Variants in ZNF556 observed in about 807,000 individuals in gnomAD.
ZNF556 encodes the protein zinc finger protein 556.
Under a neutral mutation model 13.6 loss-of-function variants are expected in ZNF556, and 11 were observed. The observed-to-expected ratio is 0.81, with a 90% CI of 0.51 to 1.33. The LOEUF (loss-of-function observed/expected upper bound fraction) is 1.33. ZNF556 is among the 40% of genes most tolerant of loss of function. The pLI, the probability that ZNF556 is intolerant of heterozygous loss-of-function variation, is 0.00. For missense variants in ZNF556, 633 were observed against 566.2 expected, an observed-to-expected ratio of 1.12 and a Z score of -1.20; for synonymous variants, 229 against 207.8, an observed-to-expected ratio of 1.10 and a Z score of -0.88.
Position 2,879,698 on chromosome 19 carries a change from C to A in ZNF556, c.*1369C>A, listed in dbSNP as rs1293520772. 6.6e-6 allele frequency: 1 copy of A among 152,106 alleles called. No homozygotes were observed. The highest frequency in any genetic ancestry group is 1.5e-5 in the Non-Finnish European group (1 of 68,070). 9.4% of individuals were successfully genotyped at this position (152,106 alleles called of 1,614,324 possible). ...CAGTATTTCTTGTGCTTCTGTGTTC[C>A]TGCTTCCATGACAGATACAATGGTA... On this transcript the variant is annotated 3_prime_UTR_variant, in exon 4 of 4. Coordinates refer to ENST00000307635, the MANE Select transcript of ZNF556 (RefSeq NM_024967.3).
chr19:2,869,856 A>C (rs969439025), intron 1 of ZNF556, among the ~76,000 whole-genome samples: 1 of 152,086 alleles, frequency 6.6e-6, no homozygotes, highest in African/African-American at 2.4e-5. Context: ...AGTCACTCAG[A>C]GCCAAAGTCC....
rs1390856496 is a variant in ZNF556, at chr19:2,879,114, A to AT, written c.*790dup. ...CCTTTCCATTTTACAGGGAAAAACT[A>AT]TTTTTAATGTTAATACTTTCTACTT... On this transcript the variant is annotated 3_prime_UTR_variant, in exon 4 of 4. Transcript: ENST00000307635. 1 of 152,078 alleles carries AT rather than the reference A, an allele frequency of 6.6e-6. No individual in the cohort carries two copies. Among genetic ancestry groups the AT allele is most frequent in the Non-Finnish European group, 1.5e-5 (1 of 68,020 alleles). 9.4% of individuals were successfully genotyped at this position (152,078 alleles called of 1,614,324 possible).
chr19:2,869,411 C>T (rs1217713247), intron 1 of ZNF556, among the ~76,000 whole-genome samples: 13 of 151,870 alleles, frequency 8.6e-5, no homozygotes, highest in East Asian at 3.9e-4. Context: ...CTGTCACCGA[C>T]GCTGGAGTGC....
chr19:2,874,686 G>C lies in ZNF556; in HGVS notation c.130+1064G>C, dbSNP rs530055332. 4.8e-5 allele frequency among the ~76,000 whole-genome samples: 7 copies of C among 146,684 alleles called. No homozygotes were observed. The South Asian group carries it at 1.5e-3, about 31-fold the overall frequency. ...TTGAACTCGGGAGGCAGTGGCTGCAGTGAGTCGAGATTGTATCACTGCACT... is the reference window on the plus strand; with the variant it reads ...TTGAACTCGGGAGGCAGTGGCTGCACTGAGTCGAGATTGTATCACTGCACT... On this transcript the variant is annotated intron_variant, in intron 2 of 3. Coordinates refer to ENST00000307635, the MANE Select transcript of ZNF556 (RefSeq NM_024967.3).
At chr19:2,870,763 G>A (rs970535757) in intron 1 of ZNF556, among the ~76,000 whole-genome samples, 13 of 138,038 alleles carry the variant, frequency 9.4e-5, no homozygotes, top group African/African-American at 3.5e-4. Flanking sequence ...AAAAAGGCCG[G>A]GCGCGATGGC....
Position 2,867,413 on chromosome 19 carries a change from G to C in ZNF556, c.-9G>C, listed in dbSNP as rs759988283. 2.5e-6 allele frequency: 4 copies of C among 1,584,162 alleles called. No homozygotes were observed. Among genetic ancestry groups the C allele is most frequent in the Admixed American group, 1.9e-5 (1 of 53,398 alleles). On this transcript the variant is annotated 5_prime_UTR_variant, in exon 1 of 4. Transcript: ENST00000307635. ...GGAGCTCCTCAAAGAGCTCAGGAAC[G>C]GACAGGACATGGTGAGTGCAGGGCA...
intron 1 of ZNF556, among the ~76,000 whole-genome samples, chr19:2,870,392 C>T (rs536266899): frequency 5.1e-4 from 77 of 152,146 alleles, no homozygotes; most frequent in African/African-American, 1.5e-3. Flanking sequence ...TTCAAGGCTG[C>T]GGCGAGTTCT....
At position 2,879,770 on chromosome 19, in the gene ZNF556, C is replaced by T. The variant is rs2087890216; in HGVS notation, c.*1441C>T. The stretch of plus-strand genomic sequence containing the variant: ...TTGCGGCTGGGCGCGGTGACTCACG[C>T]CTGTAATCCCAGCACTTTGGGAGGC... On this transcript the variant is annotated 3_prime_UTR_variant, in exon 4 of 4. Transcript: ENST00000307635. The T allele has an allele frequency of 6.6e-6, 1 of 151,556 alleles. No homozygotes were observed. Among genetic ancestry groups the T allele is most frequent in the East Asian group, 2.0e-4 (1 of 5,068 alleles). The allele number at this position is 151,556 out of a possible 1,614,324, so 9.4% of individuals were successfully genotyped here. A position where few individuals can be genotyped will look rare whatever the true frequency, so the allele number is the denominator to read the frequency against.
At position 2,883,303 on chromosome 19, in the gene ZNF556, T is replaced by G. The variant is rs1405901201; in HGVS notation, c.*4974T>G. ...TTTTAATTAAAAAATAATTTTTAAG[T>G]GTAAACCTTTAATGATCCACAAAGC... On this transcript the variant is annotated 3_prime_UTR_variant, in exon 4 of 4. Transcript: ENST00000307635. 1 of 152,164 alleles carries G rather than the reference T, an allele frequency of 6.6e-6. No individual in the cohort carries two copies. The highest frequency in any genetic ancestry group is 1.5e-5 in the Non-Finnish European group (1 of 68,038). The allele number at this position is 152,164 out of a possible 1,614,324, so 9.4% of individuals were successfully genotyped here. A position where few individuals can be genotyped will look rare whatever the true frequency, so the allele number is the denominator to read the frequency against.
rs1378117133 is a variant in ZNF556 at position 2,880,577 on chromosome 19, G to C, written c.*2248G>C. The C allele has an allele frequency of 1.3e-5, 2 of 152,116 alleles. No individual in the cohort carries two copies. The highest frequency in any genetic ancestry group is 2.9e-5 in the Non-Finnish European group (2 of 68,080). The allele number at this position is 152,116 out of a possible 1,614,324, so 9.4% of individuals were successfully genotyped here. A position where few individuals can be genotyped will look rare whatever the true frequency, so the allele number is the denominator to read the frequency against. On this transcript the variant is annotated 3_prime_UTR_variant, in exon 4 of 4. Transcript: ENST00000307635. ...GAGGTCAAGAGATCGAGACCATCCT[G>C]GCTAACACGGTGAAACCCCATCTCT...
At position 2,882,914 on chromosome 19, in the gene ZNF556, T is replaced by G. The variant is rs763606356; in HGVS notation, c.*4585T>G. The G allele has an allele frequency of 2.0e-5, 3 of 152,206 alleles. No individual in the cohort carries two copies. Among genetic ancestry groups the G allele is most frequent in the Admixed American group, 6.5e-5 (1 of 15,278 alleles). 9.4% of individuals were successfully genotyped at this position (152,206 alleles called of 1,614,324 possible). A position where few individuals can be genotyped will look rare whatever the true frequency, so the allele number is the denominator to read the frequency against. On this transcript the variant is annotated 3_prime_UTR_variant, in exon 4 of 4. Coordinates refer to ENST00000307635, the MANE Select transcript of ZNF556 (RefSeq NM_024967.3). ...TCTGGGACCAGGTACTTCATCTGGA[T>G]TTGAACCACAATGTGGGTGTTTGTT...
chr19:2,867,526 C>T (rs1038231001), intron 1 of ZNF556, 102 bp downstream of exon 1: 3 of 1,506,988 alleles, frequency 2.0e-6, no homozygotes, highest in East Asian at 4.9e-5. Context: ...GCCCGGAACC[C>T]CCATGCAGCC....
At chr19:2,875,669 T>G (rs1774167219) in intron 2 of ZNF556, 1 of 158,016 alleles carries the variant, frequency 6.3e-6, no homozygotes, top group African/African-American at 2.4e-5. Context: ...TTGTACTTCT[T>G]CATAATGAAG....
rs1371548253 is a variant in ZNF556 at position 2,872,301 on chromosome 19, C to T, written c.4-1195C>T. Among the ~76,000 whole-genome samples, 4 of 151,106 alleles carry T rather than the reference C, an allele frequency of 2.6e-5. No individual in the cohort carries two copies. In the South Asian group the frequency reaches 8.4e-4, roughly 32 times the overall value. ...TGTTTTTCCTTGACACTTACGCTAC[C>T]GCTAGACCACGGTTCACTTGGCAAC... On this transcript the variant is annotated intron_variant, in intron 1 of 3. Coordinates refer to ENST00000307635, the MANE Select transcript of ZNF556 (RefSeq NM_024967.3).
chr19:2,872,706 C>G (rs938584749), intron 1 of ZNF556, among the ~76,000 whole-genome samples: 1 of 151,520 alleles, frequency 6.6e-6, no homozygotes, highest in Non-Finnish European at 1.5e-5. Context: ...GTAATCCCAG[C>G]TACTCAGGAG....
Position 2,867,436 on chromosome 19 carries a change from G to A in ZNF556, c.3+12G>A, listed in dbSNP as rs1033154471. On this transcript the variant is annotated intron_variant, in intron 1 of 3. Transcript: ENST00000307635. ...ACGGACAGGACATGGTGAGTGCAGG[G>A]CAGGAGCCGAGCCGGAGCCGGAGCC... is the stretch of plus-strand genomic sequence containing the variant. 5 of 1,583,796 alleles carry A rather than the reference G, an allele frequency of 3.2e-6. No individual in the cohort carries two copies. In the East Asian group the frequency reaches 1.1e-4, roughly 36 times the overall value.
chr19:2,877,887 A>C lies in ZNF556; in HGVS notation c.929A>C (p.Asn310Thr). The C allele has an allele frequency of 6.2e-7, 1 of 1,614,224 alleles. No homozygotes were observed. The highest frequency in any genetic ancestry group is 1.6e-4 in the Middle Eastern group (1 of 6,062). Reference sequence around the variant, plus strand: ...TTTCAACGACACGTGAGAATTCACAACGGGGAGAAACCCTATAAGTGTGGA... The same window carrying C: ...TTTCAACGACACGTGAGAATTCACACCGGGGAGAAACCCTATAAGTGTGGA... Reference protein sequence around the residue: ...TSFQRHVRIHNGEKPYKCGKC... With the variant: ...TSFQRHVRIHTGEKPYKCGKC... Residue 310 changes from asparagine (N) to threonine (T), a missense_variant, in exon 4 of 4, where the codon AAC becomes ACC. By Grantham distance (65) the Asn-to-Thr change is moderately conservative. Transcript: ENST00000307635.
At position 2,878,494 on chromosome 19, in the gene ZNF556, C is replaced by T. The variant is rs367953189; in HGVS notation, c.*165C>T. The T allele has an allele frequency of 5.3e-4, 326 of 614,890 alleles. No homozygotes were observed. The African/African-American group carries it at 5.5e-3, about 10-fold the overall frequency. The allele number at this position is 614,890 out of a possible 1,614,324, so 38.1% of individuals were successfully genotyped here. ...GACCATCCTGGCTATGGTGAAACCCCGTCTCTACTAAAAAAAAAAAAAATA... is the reference window on the plus strand; with the variant it reads ...GACCATCCTGGCTATGGTGAAACCCTGTCTCTACTAAAAAAAAAAAAAATA... On this transcript the variant is annotated 3_prime_UTR_variant, in exon 4 of 4. Transcript: ENST00000307635.
chr19:2,877,995 G>A lies in ZNF556; in HGVS notation c.1037G>A (p.Gly346Asp). ...THAKKKPVSG[G>D]SVGKSSARPR... Reference sequence around the variant, plus strand: ...GCTAAAAAGAAACCTGTGAGTGGGGGCAGCGTGGGAAAGTCTTCCGCGAGG... The same window carrying A: ...GCTAAAAAGAAACCTGTGAGTGGGGACAGCGTGGGAAAGTCTTCCGCGAGG... Residue 346 changes from glycine (G) to aspartate (D), a missense_variant, in exon 4 of 4, where the codon GGC becomes GAC. By Grantham distance (94) the Gly-to-Asp change is moderately conservative. Transcript: ENST00000307635. The A allele has an allele frequency of 5.6e-6, 9 of 1,614,110 alleles. No homozygotes were observed. The highest frequency in any genetic ancestry group is 7.6e-6 in the Non-Finnish European group (9 of 1,179,998).
Sources: gnomAD v4.1 joint callset for allele counts (sites outside exome capture counted in the v4.1 genomes callset) on GRCh38, gnomAD v4.1.1 for gene constraint, MANE v1.5 for transcripts, NCBI Gene and HGNC (gene_info 2026-07-23, HGNC 2026-07-21) for gene names.